FILIP1L: variants seen among roughly 807,000 people sequenced by gnomAD.
The protein encoded by FILIP1L is filamin A interacting protein 1 like.
FILIP1L carries 55 observed loss-of-function variants against 96.6 expected under a neutral mutation model. The observed-to-expected ratio is 0.57, with a 90% CI of 0.46 to 0.71. The LOEUF is 0.71. FILIP1L is among the 30% of genes least tolerant of loss of function. The probability of loss-of-function intolerance (pLI) is 0.00; values close to 1 mark genes in which losing one functional copy is unlikely to be tolerated. For synonymous variants in FILIP1L, 467 were observed against 473.9 expected (o/e 0.99, Z 0.19); for missense variants, 1,304 against 1,321.2 (o/e 0.99, Z 0.20).
At chr3:100,044,589 G>C (rs1486836066) in intron 1 of FILIP1L, among the ~76,000 whole-genome samples, 1 of 152,174 alleles carries the variant, frequency 6.6e-6, no homozygotes, top group Non-Finnish European at 1.5e-5. Flanking sequence ...GAGGGAAGTA[G>C]AAAGATACAG....
chr3:99,975,451 G>A (rs1353627916), intron 1 of FILIP1L, among the ~76,000 whole-genome samples: 1 of 152,068 alleles, frequency 6.6e-6, no homozygotes, highest in African/African-American at 2.4e-5. Flanking sequence ...AATTAGCTGA[G>A]TATGGTGGCG....
At chr3:100,037,862 C>G (rs1400154917) in intron 1 of FILIP1L, among the ~76,000 whole-genome samples, 1 of 152,050 alleles carries the variant, frequency 6.6e-6, no homozygotes, top group African/African-American at 2.4e-5. Flanking sequence ...TAATTTCTTC[C>G]TCACAATTAC....
chr3:100,018,538 A>AT (rs1710410515), intron 1 of FILIP1L, among the ~76,000 whole-genome samples: 1 of 152,138 alleles, frequency 6.6e-6, no homozygotes, highest in Admixed American at 6.6e-5. Context: ...ATCTCACACC[A>AT]TCTACGAAAA....
At position 100,079,142 on chromosome 3, in the gene FILIP1L, G is replaced by A. The variant is rs141391364; in HGVS notation, c.-11+34911C>T. ...GGCCTCTCTCCCCAGTCCTCTCAGC[G>A]TTAGCAGTCTTTTACAGTCTTTACA... On this transcript the variant is annotated intron_variant, in intron 1 of 5. Transcript: ENST00000477258. 4.7e-3 allele frequency among the ~76,000 whole-genome samples: 715 copies of A among 152,264 alleles called. 2 individuals carry two copies. Among genetic ancestry groups the A allele is most frequent in the South Asian group, 7.0e-3 (34 of 4,828 alleles).
chr3:100,059,401 C>A (rs752986190), intron 1 of FILIP1L, among the ~76,000 whole-genome samples: 1 of 152,202 alleles, frequency 6.6e-6, no homozygotes, highest in Non-Finnish European at 1.5e-5. Context: ...AGCCTCATCT[C>A]CGTGATCATC....
chr3:99,891,091 A>C (rs2107614528), intron 4 of FILIP1L, among the ~76,000 whole-genome samples: 1 of 150,780 alleles, frequency 6.6e-6, no homozygotes, highest in African/African-American at 2.4e-5. Flanking sequence ...AGTTAGTATG[A>C]ATCTGCAAAT....
At chr3:99,999,844 C>T (rs1318500333) in intron 1 of FILIP1L, among the ~76,000 whole-genome samples, 2 of 152,126 alleles carry the variant, frequency 1.3e-5, no homozygotes, top group Non-Finnish European at 2.9e-5. Context: ...AAAAACAAAA[C>T]AAAACAAAAC....
intron 1 of FILIP1L, among the ~76,000 whole-genome samples, chr3:99,963,366 C>T (rs966648995): frequency 4.0e-5 from 6 of 151,888 alleles, no homozygotes; most frequent in South Asian, 2.1e-4. Context: ...AGTCATGATC[C>T]GTGGAGCCTG....
intron 3 of FILIP1L, among the ~76,000 whole-genome samples, chr3:99,928,699 G>A (rs941678456): frequency 1.3e-5 from 2 of 152,244 alleles, no homozygotes; most frequent in East Asian, 3.9e-4. Context: ...TTTTGTTAGG[G>A]TTATGTTCAG....
chr3:99,862,838 T>C (rs1944327985), intron 4 of FILIP1L, among the ~76,000 whole-genome samples: 1 of 152,234 alleles, frequency 6.6e-6, no homozygotes, highest in Non-Finnish European at 1.5e-5. Context: ...CTCACAGATC[T>C]ACTCCACAGC....
intron 1 of FILIP1L, chr3:100,010,211 T>A: frequency 1.3e-6 from 1 of 743,572 alleles, no homozygotes; most frequent in Non-Finnish European, 1.6e-6. Context: ...TCAAATGATG[T>A]AAACTGTCAT....
At chr3:100,019,317 G>A (rs1400759209) in intron 1 of FILIP1L, among the ~76,000 whole-genome samples, 6 of 152,132 alleles carry the variant, frequency 3.9e-5, no homozygotes, top group Non-Finnish European at 8.8e-5. Context: ...CTATGATCAT[G>A]CCACTGCACT....
chr3:99,851,423 T>A (rs1322284948), intron 4 of FILIP1L, among the ~76,000 whole-genome samples: 1 of 152,220 alleles, frequency 6.6e-6, no homozygotes, highest in Non-Finnish European at 1.5e-5. Context: ...CAGTTAGACC[T>A]GGCTTCAAGG....
At chr3:99,888,576 C>T (rs1006095552) in intron 4 of FILIP1L, among the ~76,000 whole-genome samples, 8 of 152,252 alleles carry the variant, frequency 5.3e-5, no homozygotes, top group Non-Finnish European at 8.8e-5. Context: ...CTGTTTGATC[C>T]ATCACTGAAA....
At chr3:99,978,872 G>C (rs537840634) in intron 1 of FILIP1L, among the ~76,000 whole-genome samples, 5 of 151,818 alleles carry the variant, frequency 3.3e-5, no homozygotes, top group African/African-American at 1.2e-4. Context: ...GCAACAGAGC[G>C]AGACTCTTGT....
chr3:99,895,794 C>A (rs1706231402), intron 4 of FILIP1L, among the ~76,000 whole-genome samples: 1 of 152,198 alleles, frequency 6.6e-6, no homozygotes, highest in African/African-American at 2.4e-5. Context: ...AATACCCTAG[C>A]AGCCTTCACC....
At chr3:99,854,984 T>C (rs940042956) in intron 4 of FILIP1L, among the ~76,000 whole-genome samples, 3 of 152,190 alleles carry the variant, frequency 2.0e-5, no homozygotes, top group African/African-American at 7.2e-5. Context: ...GGCCTCACAA[T>C]TTGCCTTATA....
chr3:100,097,935 G>A (rs925724997), intron 1 of FILIP1L, among the ~76,000 whole-genome samples: 1 of 152,078 alleles, frequency 6.6e-6, no homozygotes, highest in Non-Finnish European at 1.5e-5. Context: ...TATTTTGTTG[G>A]TTTTTTAAAA....
rs1370201720 is a variant in FILIP1L at position 99,829,063 on chromosome 3, CTTAG to C, written c.*1347_*1350del. ...AGTGGCATTAGTGCAATGAGGTGGA[CTTAG>C]TTAGATAAGTATGGGGAATGGGAGT... On this transcript the variant is annotated 3_prime_UTR_variant, in exon 6 of 6. Coordinates refer to ENST00000477258, the MANE Select transcript of FILIP1L (RefSeq NM_001387850.1). Among the ~76,000 whole-genome samples, 3 of 152,066 alleles carry C rather than the reference CTTAG, an allele frequency of 2.0e-5. No individual in the cohort carries two copies. The highest frequency in any genetic ancestry group is 1.3e-4 in the Admixed American group (2 of 15,260).
Sources: allele counts gnomAD v4.1 joint callset (sites outside exome capture counted in the v4.1 genomes callset), GRCh38; gene constraint gnomAD v4.1.1; transcripts MANE v1.5; gene names NCBI Gene and HGNC (gene_info 2026-07-23, HGNC 2026-07-21).